The following DLGAP2 variants were observed in gnomAD, a reference collection of about 807,000 sequenced individuals.
The protein encoded by DLGAP2 is DLG associated protein 2.
Under a neutral mutation model 100.3 loss-of-function variants are expected in DLGAP2, and 26 were observed. The ratio of observed to expected loss-of-function variants is 0.26; its 90% CI spans 0.19 to 0.36. The LOEUF (loss-of-function observed/expected upper bound fraction) is 0.36, where lower values mean the gene tolerates loss of function less well. Ranked by LOEUF, DLGAP2 falls within the 10% of genes least tolerant of loss-of-function variation. DLGAP2 has a pLI of 1.00. For missense variants in DLGAP2, 1,858 were observed against 1,453.2 expected (o/e 1.28, Z -4.53); for synonymous variants, 886 against 630.1 (o/e 1.41, Z -6.08).
At chr8:1,595,917 A>G (rs1310683535) in intron 6 of DLGAP2, among the ~76,000 whole-genome samples, 2 of 152,008 alleles carry the variant, frequency 1.3e-5, no homozygotes, top group East Asian at 3.9e-4. Context: ...ACATGTGCAC[A>G]ACGGGCAGGT....
rs192211676 is a variant in DLGAP2, at chr8:798,440, C to T, written c.18+60615C>T. Among the ~76,000 whole-genome samples, 186 of 147,234 alleles carry T rather than the reference C, an allele frequency of 1.3e-3. 3 individuals carry two copies. Among genetic ancestry groups the T allele is most frequent in the Admixed American group, 4.0e-3 (59 of 14,814 alleles). On this transcript the variant is annotated intron_variant, in intron 1 of 14. Transcript: ENST00000637795. ...AAGCAAACGCTTGTTGATTCAGAAC[C>T]TGCAGCCCCGTGCCCCGGCGCTGAC... is the stretch of plus-strand genomic sequence containing the variant.
intron 6 of DLGAP2, among the ~76,000 whole-genome samples, chr8:1,591,489 T>C (rs1584963921): frequency 6.6e-6 from 1 of 152,024 alleles, no homozygotes; most frequent in African/African-American, 2.4e-5. Flanking sequence ...CTTTCTTTTC[T>C]AACATGGAGA....
At chr8:912,728 C>A (rs1246003780) in intron 2 of DLGAP2, among the ~76,000 whole-genome samples, 12 of 150,236 alleles carry the variant, frequency 8.0e-5, no homozygotes, top group Admixed American at 2.0e-4. Context: ...GAGCTGACCC[C>A]TGCGCTATGG....
At chr8:1,669,339 G>A (rs1282632794) in intron 9 of DLGAP2, among the ~76,000 whole-genome samples, 5 of 152,144 alleles carry the variant, frequency 3.3e-5, no homozygotes, top group Non-Finnish European at 7.4e-5. Context: ...AGCTCTGGCC[G>A]GCTCCTGCCC....
At chr8:1,138,919 A>G (rs948411758) in intron 2 of DLGAP2, among the ~76,000 whole-genome samples, 1 of 150,430 alleles carries the variant, frequency 6.6e-6, no homozygotes, top group African/African-American at 2.5e-5. Flanking sequence ...CTGTTTATTT[A>G]CTTGTCCTGG....
At chr8:1,186,856 A>C (rs561019884) in intron 2 of DLGAP2, among the ~76,000 whole-genome samples, 4 of 151,596 alleles carry the variant, frequency 2.6e-5, no homozygotes, top group Non-Finnish European at 5.9e-5. Context: ...CTTCTCACTC[A>C]CCTTCACATG....
intron 14 of DLGAP2, among the ~76,000 whole-genome samples, chr8:1,698,572 T>TG (rs1159640330): frequency 6.7e-6 from 1 of 149,810 alleles, no homozygotes; most frequent in African/African-American, 2.5e-5. Flanking sequence ...AAGCCATGCA[T>TG]GGGACTAGAC....
At chr8:986,662 A>ATTTT (rs3042253) in intron 2 of DLGAP2, among the ~76,000 whole-genome samples, 6 of 144,464 alleles carry the variant, frequency 4.2e-5, no homozygotes, top group African/African-American at 5.1e-5. Flanking sequence ...ACTGTATTTG[A>ATTTT]TTTTTTTTTT....
intron 2 of DLGAP2, among the ~76,000 whole-genome samples, chr8:961,659 A>G (rs1799728589): frequency 6.6e-6 from 1 of 152,230 alleles, no homozygotes; most frequent in African/African-American, 2.4e-5. Flanking sequence ...GAATTAATAC[A>G]TTTTCAAAGT....
At chr8:1,523,779 G>A (rs1006780914) in intron 4 of DLGAP2, among the ~76,000 whole-genome samples, 2 of 152,164 alleles carry the variant, frequency 1.3e-5, no homozygotes, top group African/African-American at 2.4e-5. Flanking sequence ...ACAAGCTCCC[G>A]AGGGCCATCC....
rs1799618893 is a variant in DLGAP2 at position 1,703,085 on chromosome 8, C to T, written c.*1679C>T. 1 of 152,660 alleles carries T rather than the reference C, an allele frequency of 6.6e-6. No homozygotes were observed. Among genetic ancestry groups the T allele is most frequent in the Non-Finnish European group, 1.5e-5 (1 of 68,060 alleles). 9.5% of individuals were successfully genotyped at this position (152,660 alleles called of 1,614,324 possible). ...TGCGGTGTCTCCCTGCCTCATTCCC[C>T]ACATCCCACTGAGCATGGGACCATT... On this transcript the variant is annotated 3_prime_UTR_variant, in exon 15 of 15. Coordinates refer to ENST00000637795, the MANE Select transcript of DLGAP2 (RefSeq NM_001346810.2).
intron 2 of DLGAP2, among the ~76,000 whole-genome samples, chr8:950,417 C>T (rs1799448538): frequency 6.6e-6 from 1 of 152,048 alleles, no homozygotes; most frequent in Admixed American, 6.6e-5. Flanking sequence ...TCTTACCAAG[C>T]GCTTCCTGCG....
At chr8:1,350,681 TGC>T (rs1801697212) in intron 3 of DLGAP2, among the ~76,000 whole-genome samples, 2 of 98,358 alleles carry the variant, frequency 2.0e-5, no homozygotes, top group African/African-American at 4.0e-5. Context: ...GTCCTGAGTG[TGC>T]GTGGAAAGGC....
At chr8:1,119,551 G>A (rs1795987052) in intron 2 of DLGAP2, among the ~76,000 whole-genome samples, 1 of 152,244 alleles carries the variant, frequency 6.6e-6, no homozygotes, top group African/African-American at 2.4e-5. Context: ...AGGGGCAGTA[G>A]CTGAGAGATG....
At chr8:1,448,403 G>A (rs1047592277) in intron 3 of DLGAP2, among the ~76,000 whole-genome samples, 5 of 152,176 alleles carry the variant, frequency 3.3e-5, no homozygotes, top group Admixed American at 6.5e-5. Context: ...GGTTTTGAGT[G>A]AGTTTCTTAG....
intron 2 of DLGAP2, among the ~76,000 whole-genome samples, chr8:1,185,902 G>C (rs1331807868): frequency 6.6e-6 from 1 of 152,142 alleles, no homozygotes; most frequent in East Asian, 1.9e-4. Flanking sequence ...GAACTGAGAA[G>C]CAGGTTCCCT....
intron 2 of DLGAP2, among the ~76,000 whole-genome samples, chr8:1,224,149 C>T (rs542464830): frequency 2.0e-5 from 3 of 152,104 alleles, no homozygotes; most frequent in Non-Finnish European, 4.4e-5. Context: ...CTCAAAGGAG[C>T]CATTGTCTAA....
intron 2 of DLGAP2, among the ~76,000 whole-genome samples, chr8:944,711 G>A (rs1799274740): frequency 6.6e-6 from 1 of 151,452 alleles, no homozygotes; most frequent in Non-Finnish European, 1.5e-5. Context: ...ACTTTGTGCA[G>A]GTGATCCAGT....
chr8:1,668,532 G>T lies in DLGAP2; in HGVS notation c.2014G>T (p.Ala672Ser). The T allele has an allele frequency of 6.3e-7, 1 of 1,593,308 alleles. No individual in the cohort carries two copies. The highest frequency in any genetic ancestry group is 2.3e-5 in the East Asian group (1 of 43,482). The change falls in exon 9 of 15, where the codon GCC (alanine) becomes TCC (serine). Residue 672 changes from alanine to serine, a missense_variant. By Grantham distance (99) the Ala-to-Ser change is moderately conservative (BLOSUM62 1). Transcript: ENST00000637795. ...NSTDSLDSNK[A>S]MNLALETAAA... ...CACGGACAGCCTGGACAGCAACAAG[G>T]CCATGAACCTCGCGCTGGAAACGGC...
Sources: gnomAD v4.1 joint callset for allele counts (sites outside exome capture counted in the v4.1 genomes callset) on GRCh38, gnomAD v4.1.1 for gene constraint, MANE v1.5 for transcripts, NCBI Gene and HGNC (gene_info 2026-07-23, HGNC 2026-07-21) for gene names.